The following MIA2 variants were observed in gnomAD, a reference collection of about 807,000 sequenced individuals.
MIA2 encodes melanoma inhibitory activity protein 2.
MIA2 carries 127 observed loss-of-function variants against 167.8 expected under a neutral mutation model. That is an observed-to-expected ratio of 0.76 (90% CI 0.66 to 0.88). The LOEUF is 0.88. MIA2 is among the 40% of genes least tolerant of loss of function. The probability of loss-of-function intolerance (pLI) is 0.00; values close to 1 mark genes in which losing one functional copy is unlikely to be tolerated. For synonymous variants in MIA2, 552 were observed against 541.9 expected (o/e 1.02, Z -0.26); for missense variants, 1,690 against 1,624.7 (o/e 1.04, Z -0.69).
intron 23 of MIA2, among the ~76,000 whole-genome samples, chr14:39,359,676 A>G (rs1429631033): frequency 1.3e-5 from 2 of 152,072 alleles, no homozygotes; most frequent in East Asian, 1.9e-4. Context: ...AGCTGTTCCT[A>G]TTTGGCTATC....
At chr14:39,244,783 C>CT (rs541605006) in intron 3 of MIA2, among the ~76,000 whole-genome samples, 183 of 144,924 alleles carry the variant, frequency 1.3e-3, no homozygotes, top group Middle Eastern at 3.6e-3. Context: ...TTTAGTGCAA[C>CT]TTTTTTTTTT....
chr14:39,382,930 G>T (rs1316248405), intron 23 of MIA2, among the ~76,000 whole-genome samples: 1 of 142,926 alleles, frequency 7.0e-6, no homozygotes, highest in Non-Finnish European at 1.5e-5. Context: ...ACAGCTTTTA[G>T]ACATATATCT....
intron 13 of MIA2, among the ~76,000 whole-genome samples, chr14:39,297,551 G>A (rs1222030416): frequency 6.6e-6 from 1 of 152,102 alleles, no homozygotes; most frequent in African/African-American, 2.4e-5. Context: ...CTGTTCAGTA[G>A]TCAGTTTCCT....
In MIA2 at chr14:39,289,146, T is replaced by G. The variant is rs1010310698; in HGVS notation, c.2131-1873T>G. On this transcript the variant is annotated intron_variant, in intron 9 of 28. Transcript: ENST00000640607. ...AGGTCAGATTACTTTAATAACAGAT[T>G]GAGATATTTGGAAGCTGGGCCTCAG... Among the ~76,000 whole-genome samples, 93 of 152,096 alleles carry G rather than the reference T, an allele frequency of 6.1e-4. 5 individuals carry two copies. Among genetic ancestry groups the G allele is most frequent in the Non-Finnish European group, 4.4e-5 (3 of 68,008 alleles).
At chr14:39,365,345 C>G (rs768411614) in intron 23 of MIA2, among the ~76,000 whole-genome samples, 10 of 152,224 alleles carry the variant, frequency 6.6e-5, no homozygotes, top group Non-Finnish European at 1.5e-4. Flanking sequence ...CAGGCATGAG[C>G]CACTGCACCC....
chr14:39,322,885 A>G (rs1046490810), intron 24 of MIA2, among the ~76,000 whole-genome samples: 1 of 152,234 alleles, frequency 6.6e-6, no homozygotes, highest in African/African-American at 2.4e-5. Context: ...TCACCAGTGA[A>G]ACATTCCCAC....
intron 25 of MIA2, among the ~76,000 whole-genome samples, chr14:39,341,345 A>G (rs2071792891): frequency 6.6e-6 from 1 of 152,100 alleles, no homozygotes; most frequent in Non-Finnish European, 1.5e-5. Context: ...TAAATAAATG[A>G]TGGATAATAT....
chr14:39,280,115 G>A (rs138452816), intron 9 of MIA2, among the ~76,000 whole-genome samples: 1 of 152,092 alleles, frequency 6.6e-6, no homozygotes, highest in Non-Finnish European at 1.5e-5. Flanking sequence ...TTTATTGGAA[G>A]GACCATCTTT....
At chr14:39,288,432 CATATATATATATATATATATATATATAT>C (rs759995143) in intron 9 of MIA2, among the ~76,000 whole-genome samples, 1 of 52,896 alleles carries the variant, frequency 1.9e-5, no homozygotes, top group Non-Finnish European at 3.3e-5. Context: ...ATATATTATA[CATATATATATATATATATATATATATAT>C]ATATATATAT....
rs762706345 is a variant in MIA2, at chr14:39,320,936, C to T, written c.3376C>T (p.Pro1126Ser). Residue 1126 changes from proline to serine, a missense_variant, in exon 24 of 29, where the codon CCA (proline) becomes TCA (serine). By Grantham distance (74) the Pro-to-Ser change is moderately conservative. Transcript: ENST00000640607. The part of the protein sequence containing the change: ...PNTAFGREHS[P>S]YGPSPLGWPS... The stretch of plus-strand genomic sequence containing the variant: ...TGTTTTAATTATTCCAGAGCATTCC[C>T]CATATGGTCCCTCACCATTGGGTTG... The T allele has an allele frequency of 1.1e-5, 17 of 1,613,014 alleles. No individual in the cohort carries two copies. In the South Asian group the frequency reaches 1.6e-4, roughly 16 times the overall value.
intron 27 of MIA2, among the ~76,000 whole-genome samples, chr14:39,348,028 G>C (rs1213742116): frequency 6.6e-6 from 1 of 151,980 alleles, no homozygotes; most frequent in Non-Finnish European, 1.5e-5. Context: ...GGCGAGGCTG[G>C]TCTTGAAGTC....
In MIA2 at chr14:39,314,770, G is replaced by T; in HGVS notation, c.3151G>T (p.Glu1051Ter). Residue 1051 changes from glutamate to a stop codon, truncating the protein, a stop_gained, in exon 20 of 29, where the codon GAG becomes TAG. Transcript: ENST00000640607. LOFTEE classifies it high-confidence loss of function. The part of the protein sequence containing the change: ...KRAKDLEEEL[E>*]RTIHSYQGQI... Reference sequence around the variant, plus strand: ...AGCCAAAGATCTTGAAGAAGAATTGGAGAGAACTATTCATTCTTATCAAGG... The same window carrying T: ...AGCCAAAGATCTTGAAGAAGAATTGTAGAGAACTATTCATTCTTATCAAGG... 1.2e-6 allele frequency: 2 copies of T among 1,605,738 alleles called. No individual in the cohort carries two copies. Among genetic ancestry groups the T allele is most frequent in the Non-Finnish European group, 1.7e-6 (2 of 1,175,970 alleles).
At chr14:39,314,870 T>C in intron 20 of MIA2, 71 bp downstream of exon 20, 1 of 1,139,846 alleles carries the variant, frequency 8.8e-7, no homozygotes. Flanking sequence ...TTCTGATTTC[T>C]TTGAATTGAT....
At chr14:39,315,782 G>GT in intron 21 of MIA2, 64 bp downstream of exon 21, 1 of 1,096,884 alleles carries the variant, frequency 9.1e-7, no homozygotes, top group Non-Finnish European at 1.3e-6. Context: ...AAGATACGTT[G>GT]TTTATTTAAA....
intron 6 of MIA2, chr14:39,276,657 C>G: frequency 3.1e-6 from 1 of 322,556 alleles, no homozygotes; most frequent in Non-Finnish European, 5.8e-6. Flanking sequence ...CTAGGTCACT[C>G]AGTTTCTTTC....
At chr14:39,381,667 G>T (rs1448042643) in intron 23 of MIA2, among the ~76,000 whole-genome samples, 17 of 145,318 alleles carry the variant, frequency 1.2e-4, no homozygotes, top group African/African-American at 3.8e-4. Context: ...TTTGCTGGCT[G>T]TTTTTTTTTT....
At chr14:39,382,953 G>GTTTTTTTTTTTTTTTT (rs10689511) in intron 23 of MIA2, among the ~76,000 whole-genome samples, 1 of 75,054 alleles carries the variant, frequency 1.3e-5, no homozygotes, top group African/African-American at 5.3e-5. Context: ...TATGGCCACA[G>GTTTTTTTTTTTTTTTT]TTTTTTTTTT....
chr14:39,268,881 G>A, intron 6 of MIA2: 1 of 402,602 alleles, frequency 2.5e-6, no homozygotes, highest in Non-Finnish European at 3.4e-6. Context: ...TTCTGGCTGT[G>A]GTAACTTATT....
At chr14:39,306,896 TAGAAG>T (rs1194048435) in intron 17 of MIA2, among the ~76,000 whole-genome samples, 4 of 152,170 alleles carry the variant, frequency 2.6e-5, no homozygotes, top group Non-Finnish European at 5.9e-5. Flanking sequence ...GTAATTATGT[TAGAAG>T]AGAAACGAGG....
Sources: allele counts gnomAD v4.1 joint callset (sites outside exome capture counted in the v4.1 genomes callset), GRCh38; gene constraint gnomAD v4.1.1; transcripts MANE v1.5; gene names NCBI Gene and HGNC (gene_info 2026-07-23, HGNC 2026-07-21).